VAT1L: variants seen among roughly 807,000 people sequenced by gnomAD.
VAT1L encodes putative NADPH-dependent quinone oxidoreductase VAT1L.
A neutral mutation model predicts 44.1 loss-of-function variants in VAT1L; 34 were observed. The ratio of observed to expected loss-of-function variants is 0.77; its 90% confidence interval spans 0.59 to 1.03. The LOEUF is 1.03. Among genes scored for constraint, VAT1L ranks in the 50% least tolerant of loss-of-function variants. The probability of loss-of-function intolerance (pLI) is 0.00; values close to 1 mark genes in which losing one functional copy is unlikely to be tolerated. For missense variants in VAT1L, 615 were observed against 538.8 expected (o/e 1.14, Z -1.40); for synonymous variants, 253 against 202.2 (o/e 1.25, Z -2.13).
chr16:77,890,669 T>G (rs933018410), intron 7 of VAT1L, among the ~76,000 whole-genome samples: 2 of 152,148 alleles, frequency 1.3e-5, no homozygotes, highest in African/African-American at 4.8e-5. Flanking sequence ...ACACCTGTTA[T>G]CCCAGCACTT....
chr16:77,962,785 A>AAG (rs2018178018), intron 7 of VAT1L, among the ~76,000 whole-genome samples: 4 of 151,966 alleles, frequency 2.6e-5, no homozygotes, highest in South Asian at 2.1e-4. Context: ...GGAAAGAAAG[A>AAG]GAAAAGAAAA....
chr16:77,834,017 T>G (rs2016611957), intron 3 of VAT1L, among the ~76,000 whole-genome samples: 1 of 152,116 alleles, frequency 6.6e-6, no homozygotes, highest in South Asian at 2.1e-4. Context: ...CTCATTAGTT[T>G]CCTCTCCTTA....
intron 3 of VAT1L, among the ~76,000 whole-genome samples, chr16:77,828,779 A>G (rs995445673): frequency 6.6e-5 from 10 of 152,308 alleles, no homozygotes; most frequent in African/African-American, 2.4e-4. Flanking sequence ...TGAACCAAGG[A>G]AGCAGGTGGC....
chr16:77,815,065 T>C (rs1291759953), intron 1 of VAT1L, among the ~76,000 whole-genome samples: 2 of 152,212 alleles, frequency 1.3e-5, no homozygotes, highest in Admixed American at 6.5e-5. Flanking sequence ...TAAGTAACTT[T>C]TCCCAGGTTA....
At chr16:77,900,256 AGTATTTGTGTGTCTGCATATATCTGT>A (rs2017365988) in intron 7 of VAT1L, among the ~76,000 whole-genome samples, 1 of 152,096 alleles carries the variant, frequency 6.6e-6, no homozygotes, top group Admixed American at 6.5e-5. Context: ...AGATCATATG[AGTATTTGTGTGTCTGCATATATCTGT>A]GTATTTGTGA....
chr16:77,841,553 C>G (rs1054604971), intron 3 of VAT1L, among the ~76,000 whole-genome samples: 5 of 152,210 alleles, frequency 3.3e-5, no homozygotes, highest in African/African-American at 9.6e-5. Flanking sequence ...CCTCTTCTGT[C>G]TCACAAATGT....
At chr16:77,817,140 C>A in intron 2 of VAT1L, 90 bp downstream of exon 2, 1 of 1,516,142 alleles carries the variant, frequency 6.6e-7, no homozygotes. Context: ...TCTGAAATAA[C>A]CTATGGCGTG....
At chr16:77,890,785 G>A (rs574103511) in intron 7 of VAT1L, among the ~76,000 whole-genome samples, 19 of 152,046 alleles carry the variant, frequency 1.2e-4, no homozygotes, top group Non-Finnish European at 2.2e-4. Context: ...TTAGCCAGGC[G>A]TGGTGGTACA....
chr16:77,791,704 G>A (rs552941922), intron 1 of VAT1L, among the ~76,000 whole-genome samples: 10 of 152,242 alleles, frequency 6.6e-5, no homozygotes, highest in African/African-American at 2.4e-4. Context: ...CACCGAAGAT[G>A]GTTCCTTTGC....
At chr16:77,839,329 A>T (rs2016677351) in intron 3 of VAT1L, among the ~76,000 whole-genome samples, 1 of 151,768 alleles carries the variant, frequency 6.6e-6, no homozygotes, top group African/African-American at 2.4e-5. Flanking sequence ...AGGTCAGGAG[A>T]TGGAGACCAT....
chr16:77,936,971 A>G (rs1597108102), intron 7 of VAT1L, among the ~76,000 whole-genome samples: 5 of 152,204 alleles, frequency 3.3e-5, no homozygotes, highest in Admixed American at 3.3e-4. Flanking sequence ...TGCATCCTCC[A>G]CCTACCGGGT....
At chr16:77,925,790 A>G (rs2017659944) in intron 7 of VAT1L, among the ~76,000 whole-genome samples, 1 of 152,128 alleles carries the variant, frequency 6.6e-6, no homozygotes, top group African/African-American at 2.4e-5. Flanking sequence ...CTTTTGAGAA[A>G]TCTACCAAAC....
intron 1 of VAT1L, among the ~76,000 whole-genome samples, chr16:77,815,784 A>G (rs1033991108): frequency 1.3e-5 from 2 of 151,404 alleles, no homozygotes; most frequent in Non-Finnish European, 2.9e-5. Flanking sequence ...CCTGGCCAAC[A>G]TGGCGAAACC....
At chr16:77,813,667 A>G (rs1736263528) in intron 1 of VAT1L, among the ~76,000 whole-genome samples, 2 of 152,192 alleles carry the variant, frequency 1.3e-5, no homozygotes. Context: ...CCCAAAGCTC[A>G]GGTCAACTAG....
chr16:77,845,421 A>G (rs1023661314), intron 3 of VAT1L, among the ~76,000 whole-genome samples: 8 of 152,160 alleles, frequency 5.3e-5, no homozygotes, highest in Non-Finnish European at 1.0e-4. Context: ...CCACTAGAAT[A>G]GAGCTTTGTT....
chr16:77,790,686 A>G (rs1030815499), intron 1 of VAT1L, among the ~76,000 whole-genome samples: 2 of 152,204 alleles, frequency 1.3e-5, no homozygotes, highest in Non-Finnish European at 2.9e-5. Context: ...TGCGTATGTA[A>G]TTTATGACCC....
intron 7 of VAT1L, among the ~76,000 whole-genome samples, chr16:77,955,256 G>A (rs1270976143): frequency 1.3e-5 from 2 of 152,296 alleles, no homozygotes; most frequent in Admixed American, 6.5e-5. Flanking sequence ...CTCCCTAAGG[G>A]ACATTTGGCA....
rs66546770 is a variant in VAT1L at position 77,940,340 on chromosome 16, G to GTTTTT, written c.1078-31494_1078-31490dup. Among the ~76,000 whole-genome samples the GTTTTT allele has an allele frequency of 3.1e-4, 35 of 112,508 alleles. 1 individual carries two copies. Among genetic ancestry groups the GTTTTT allele is most frequent in the Non-Finnish European group, 4.0e-4 (23 of 57,750 alleles). The allele number at this position is 112,508 out of a possible 152,430, so 73.8% of individuals were successfully genotyped here. On this transcript the variant is annotated intron_variant, in intron 7 of 8. Transcript: ENST00000302536. ...CAAGCCAGGTCTAACATACCACTTG[G>GTTTTT]TTTTTTTTTTTTTTTTTTTTGGAGA...
chr16:77,890,088 C>T (rs1471798341), intron 7 of VAT1L, among the ~76,000 whole-genome samples: 1 of 151,854 alleles, frequency 6.6e-6, no homozygotes, highest in African/African-American at 2.4e-5. Context: ...CACCATTTCA[C>T]AAAAAGAGAG....
Sources: allele counts gnomAD v4.1 joint callset (sites outside exome capture counted in the v4.1 genomes callset), GRCh38; gene constraint gnomAD v4.1.1; transcripts MANE v1.5; gene names NCBI Gene and HGNC (gene_info 2026-07-23, HGNC 2026-07-21).